Variants in SEPTIN14 observed in about 807,000 individuals in gnomAD.
SEPTIN14 encodes the protein septin 14, also known as septin-14.
A neutral mutation model predicts 53.6 loss-of-function variants in SEPTIN14; 40 were observed. That is an observed-to-expected ratio of 0.75 (90% CI 0.58 to 0.97). SEPTIN14 has a LOEUF of 0.97. Ranked by LOEUF, SEPTIN14 falls within the 50% of genes least tolerant of loss-of-function variation. The probability of loss-of-function intolerance (pLI) is 0.00; values close to 1 mark genes in which losing one functional copy is unlikely to be tolerated. For synonymous variants in SEPTIN14, 138 were observed against 166.8 expected, an observed-to-expected ratio of 0.83 and a Z score of 1.33; for missense variants, 471 against 508.2, an observed-to-expected ratio of 0.93 and a Z score of 0.70.
intron 6 of SEPTIN14, among the ~76,000 whole-genome samples, chr7:55,829,571 A>G (rs1450858341): frequency 6.6e-6 from 1 of 151,990 alleles, no homozygotes; most frequent in Non-Finnish European, 1.5e-5. Flanking sequence ...ACAAACTAGA[A>G]AACCTAGATA....
At chr7:55,829,820 C>CAAA (rs35998043) in intron 6 of SEPTIN14, among the ~76,000 whole-genome samples, 3,528 of 37,458 alleles carry the variant, frequency 0.094, 862 homozygotes, top group East Asian at 0.36. Flanking sequence ...GACTCCATCT[C>CAAA]AAAAAAAAAA....
At chr7:55,855,007 C>CTT (rs59769448) in intron 2 of SEPTIN14, among the ~76,000 whole-genome samples, 27 of 136,822 alleles carry the variant, frequency 2.0e-4, no homozygotes, top group African/African-American at 2.4e-4. Flanking sequence ...AAGATCACAA[C>CTT]TTTTTTTTTT....
chr7:55,854,969 C>T (rs1332623499), intron 2 of SEPTIN14, among the ~76,000 whole-genome samples: 1 of 150,656 alleles, frequency 6.6e-6, no homozygotes, highest in Non-Finnish European at 1.5e-5. Flanking sequence ...ACTACTAATA[C>T]TATAGGAATA....
chr7:55,830,349 A>ATATTTTTTT (rs71015108), intron 6 of SEPTIN14, among the ~76,000 whole-genome samples: 32 of 56,832 alleles, frequency 5.6e-4, no homozygotes, highest in East Asian at 1.2e-3. Context: ...ATATATATAT[A>ATATTTTTTT]TTTTTTTTTT....
At chr7:55,802,939 A>T (rs1788546120) in intron 9 of SEPTIN14, among the ~76,000 whole-genome samples, 1 of 148,862 alleles carries the variant, frequency 6.7e-6, no homozygotes, top group South Asian at 2.1e-4. Flanking sequence ...ATGAAACTGA[A>T]CTTTTTTTTT....
intron 7 of SEPTIN14, among the ~76,000 whole-genome samples, chr7:55,818,347 A>T (rs1034709851): frequency 2.1e-4 from 32 of 151,620 alleles, no homozygotes; most frequent in African/African-American, 7.8e-4. Flanking sequence ...CGGCAAGCGC[A>T]TGTAATCCCA....
intron 5 of SEPTIN14, among the ~76,000 whole-genome samples, chr7:55,842,206 C>T (rs562167060): frequency 3.3e-5 from 5 of 151,792 alleles, no homozygotes; most frequent in Admixed American, 1.3e-4. Context: ...TGTGTAGATA[C>T]ACTCTAAGAT....
At position 55,830,407 on chromosome 7, in the gene SEPTIN14, C is replaced by T. The variant is rs143271860; in HGVS notation, c.720+4018G>A. On this transcript the variant is annotated intron_variant, in intron 6 of 9. Transcript: ENST00000388975. ...TGTCTACCAGGCTGGAGTGCAGTGG[C>T]GCGATCTCCGCTCACTGCAAGCTCC... Among the ~76,000 whole-genome samples, 150 of 130,664 alleles carry T rather than the reference C, an allele frequency of 1.1e-3. 3 individuals are homozygous for T. Among genetic ancestry groups the T allele is most frequent in the African/African-American group, 4.0e-3 (143 of 35,428 alleles). The allele number at this position is 130,664 out of a possible 152,430, so 85.7% of individuals were successfully genotyped here. A position where few individuals can be genotyped will look rare whatever the true frequency, so the allele number is the denominator to read the frequency against.
At chr7:55,839,663 G>A (rs1305795790) in intron 5 of SEPTIN14, among the ~76,000 whole-genome samples, 1 of 152,110 alleles carries the variant, frequency 6.6e-6, no homozygotes, top group African/African-American at 2.4e-5. Context: ...TGGGGATCTT[G>A]TAACTTACTC....
At chr7:55,838,108 A>G (rs951353876) in intron 5 of SEPTIN14, among the ~76,000 whole-genome samples, 4 of 152,240 alleles carry the variant, frequency 2.6e-5, no homozygotes, top group Non-Finnish European at 5.9e-5. Context: ...ACTGCTGAAT[A>G]ATTAGAAAAA....
At chr7:55,859,880 C>T (rs1789711483) in intron 2 of SEPTIN14, among the ~76,000 whole-genome samples, 1 of 152,120 alleles carries the variant, frequency 6.6e-6, no homozygotes, top group South Asian at 2.1e-4. Flanking sequence ...TATATATACA[C>T]ATTTAAATAC....
chr7:55,814,169 G>A (rs1788753851), intron 7 of SEPTIN14, among the ~76,000 whole-genome samples: 1 of 152,166 alleles, frequency 6.6e-6, no homozygotes, highest in East Asian at 1.9e-4. Flanking sequence ...CAGTGTTACT[G>A]GGCTTGGGGT....
rs578213276 is a variant in SEPTIN14, at chr7:55,830,039, G to A, written c.720+4386C>T. Reference sequence around the variant, plus strand: ...TGAAAATACAAAAAATTAGCCGGGCGTGGTGGCGGGCGCCTATAGTCCCAG... The same window carrying A: ...TGAAAATACAAAAAATTAGCCGGGCATGGTGGCGGGCGCCTATAGTCCCAG... On this transcript the variant is annotated intron_variant, in intron 6 of 9. Transcript: ENST00000388975. Among the ~76,000 whole-genome samples, 7 of 150,422 alleles carry A rather than the reference G, an allele frequency of 4.7e-5. No homozygotes were observed. The South Asian group carries it at 8.4e-4, about 18-fold the overall frequency.
chr7:55,849,284 C>T (rs1047727273), intron 2 of SEPTIN14, among the ~76,000 whole-genome samples: 4 of 151,378 alleles, frequency 2.6e-5, no homozygotes, highest in African/African-American at 9.7e-5. Context: ...GAAATCGGAC[C>T]ACTGCATTCC....
At chr7:55,812,879 T>C (rs1384037502) in intron 7 of SEPTIN14, among the ~76,000 whole-genome samples, 1 of 151,740 alleles carries the variant, frequency 6.6e-6, no homozygotes, top group East Asian at 1.9e-4. Context: ...GGACTTTGCA[T>C]TGGAACTCAG....
intron 6 of SEPTIN14, among the ~76,000 whole-genome samples, chr7:55,822,080 C>A (rs1423993328): frequency 2.0e-5 from 3 of 152,076 alleles, no homozygotes; most frequent in Admixed American, 2.0e-4. Flanking sequence ...AAAGACCAGC[C>A]CCCATAATTC....
chr7:55,805,791 T>G (rs939601324), intron 8 of SEPTIN14, among the ~76,000 whole-genome samples: 1 of 152,232 alleles, frequency 6.6e-6, no homozygotes, highest in African/African-American at 2.4e-5. Flanking sequence ...CAGGATATCA[T>G]ACATTTTCAT....
intron 9 of SEPTIN14, among the ~76,000 whole-genome samples, chr7:55,797,012 A>G (rs1024848645): frequency 6.6e-6 from 1 of 152,154 alleles, no homozygotes; most frequent in Non-Finnish European, 1.5e-5. Context: ...AGTCCAAGCT[A>G]TTTGGGAGGC....
At chr7:55,830,394 T>C (rs1444841688) in intron 6 of SEPTIN14, among the ~76,000 whole-genome samples, 1 of 133,120 alleles carries the variant, frequency 7.5e-6, no homozygotes, top group Non-Finnish European at 1.6e-5. Flanking sequence ...TCTACCAGGC[T>C]GGAGTGCAGT....
Sources: gnomAD v4.1 joint callset for allele counts (sites outside exome capture counted in the v4.1 genomes callset) on GRCh38, gnomAD v4.1.1 for gene constraint, MANE v1.5 for transcripts, NCBI Gene and HGNC (gene_info 2026-07-23, HGNC 2026-07-21) for gene names.